The following PCDH11X variants were observed in gnomAD, a reference collection of about 807,000 sequenced individuals.
PCDH11X encodes protocadherin-11 X-linked.
A neutral mutation model predicts 53.3 loss-of-function variants in PCDH11X; 18 were observed. That is an observed-to-expected ratio of 0.34 (90% confidence interval 0.23 to 0.50). PCDH11X has a LOEUF of 0.50. PCDH11X is among the 20% of genes least tolerant of loss of function. The pLI is 0.98. For synonymous variants in PCDH11X, 279 were observed against 393.3 expected (o/e 0.71, Z 3.44); for missense variants, 570 against 1,032.4 (o/e 0.55, Z 6.14).
At chrX:92,213,703 C>T (rs755643308) in intron 7 of PCDH11X, among the ~76,000 whole-genome samples, 5 of 111,465 alleles carry the variant, frequency 4.5e-5, no homozygotes, top group South Asian at 7.5e-4. Context: ...ATACACAGCA[C>T]GACAGATGGG....
At chrX:91,931,963 C>G (rs1336351138) in intron 6 of PCDH11X, among the ~76,000 whole-genome samples, 9 of 111,110 alleles carry the variant, frequency 8.1e-5, no homozygotes, top group Non-Finnish European at 1.7e-4. Flanking sequence ...AGCTATTCAT[C>G]CTGATGCTCT....
At chrX:92,260,332 C>T (rs937143014) in intron 7 of PCDH11X, among the ~76,000 whole-genome samples, 9 of 110,546 alleles carry the variant, frequency 8.1e-5, no homozygotes, top group East Asian at 2.9e-4. Flanking sequence ...TGTGGGAGGG[C>T]GTCGGCTGAG....
At chrX:92,343,772 C>T (rs1181533093) in intron 8 of PCDH11X, among the ~76,000 whole-genome samples, 2 of 111,113 alleles carry the variant, frequency 1.8e-5, no homozygotes, top group African/African-American at 6.5e-5. Flanking sequence ...ATACCCACCT[C>T]AATAGCATTC....
chrX:92,395,935 A>G (rs1196916880), intron 9 of PCDH11X, among the ~76,000 whole-genome samples: 3 of 100,056 alleles, frequency 3.0e-5, no homozygotes, highest in Non-Finnish European at 5.8e-5. Flanking sequence ...TTTATATGTG[A>G]TGAGGCCCTT....
At chrX:92,255,869 G>A (rs1388018400) in intron 7 of PCDH11X, among the ~76,000 whole-genome samples, 1 of 112,445 alleles carries the variant, frequency 8.9e-6, no homozygotes, top group East Asian at 2.8e-4. Flanking sequence ...AGTCTGCAGA[G>A]GTTACTGCTG....
intron 6 of PCDH11X, among the ~76,000 whole-genome samples, chrX:92,059,548 A>G (rs1007716051): frequency 5.4e-5 from 6 of 110,923 alleles, no homozygotes; most frequent in Admixed American, 2.9e-4. Flanking sequence ...TGAAGCCCCA[A>G]TGGTGAGAAC....
intron 6 of PCDH11X, among the ~76,000 whole-genome samples, chrX:92,148,234 CT>C (rs1190274190): frequency 1.0e-3 from 67 of 67,292 alleles, no homozygotes; most frequent in African/African-American, 3.4e-3. Context: ...CTTTCCCTTC[CT>C]TTTTTTTTTT....
intron 8 of PCDH11X, among the ~76,000 whole-genome samples, chrX:92,375,408 G>A (rs2070728987): frequency 1.0e-5 from 1 of 99,567 alleles, no homozygotes; most frequent in South Asian, 4.9e-4. Context: ...TTGATCTCCT[G>A]ACCTCATGAT....
chrX:92,487,094 C>T (rs1436938023), intron 10 of PCDH11X, among the ~76,000 whole-genome samples: 1 of 77,387 alleles, frequency 1.3e-5, no homozygotes, highest in Non-Finnish European at 2.2e-5. Flanking sequence ...ACTCTGTCGT[C>T]CAGGCTACAA....
chrX:92,543,546 G>T (rs1352156622), intron 10 of PCDH11X, among the ~76,000 whole-genome samples: 1 of 107,456 alleles, frequency 9.3e-6, no homozygotes. Context: ...TAGACTAGAA[G>T]CTATGATATG....
chrX:92,029,614 A>G (rs1385560015), intron 6 of PCDH11X, among the ~76,000 whole-genome samples: 1 of 110,909 alleles, frequency 9.0e-6, no homozygotes. Flanking sequence ...ATATAATCCT[A>G]GTACAGGTGA....
intron 5 of PCDH11X, among the ~76,000 whole-genome samples, chrX:91,838,969 A>G (rs1465104649): frequency 8.8e-6 from 1 of 113,271 alleles, no homozygotes. Context: ...CATTGGTGGA[A>G]AATATTTATT....
At chrX:92,352,513 A>C (rs1171633975) in intron 8 of PCDH11X, among the ~76,000 whole-genome samples, 1 of 111,012 alleles carries the variant, frequency 9.0e-6, no homozygotes, top group African/African-American at 3.3e-5. Context: ...CTTAGTTTGG[A>C]TCTATTGCTG....
intron 10 of PCDH11X, among the ~76,000 whole-genome samples, chrX:92,474,362 G>T (rs998792776): frequency 1.8e-5 from 2 of 109,984 alleles, no homozygotes; most frequent in Admixed American, 9.7e-5. Context: ...TATGTTTCTT[G>T]TAGGCAATAG....
rs184154828 is a variant in PCDH11X at position 92,479,963 on chromosome X, C to T, written c.3367+11641C>T. On this transcript the variant is annotated intron_variant, in intron 10 of 10. Coordinates refer to ENST00000682573, the MANE Select transcript of PCDH11X (RefSeq NM_032968.5). ...TGTTTTCAAAGTTGCTTCCATTCTCCTCGTCTTTTTCAGGGACAACAATGC... is the reference window on the plus strand; with the variant it reads ...TGTTTTCAAAGTTGCTTCCATTCTCTTCGTCTTTTTCAGGGACAACAATGC... Among the ~76,000 whole-genome samples the T allele has an allele frequency of 1.6e-3, 182 of 111,217 alleles. 1 individual carries two copies. The highest frequency in any genetic ancestry group is 4.6e-3 in the Middle Eastern group (1 of 217).
intron 8 of PCDH11X, among the ~76,000 whole-genome samples, chrX:92,338,084 G>A (rs942151412): frequency 4.5e-5 from 5 of 111,441 alleles, no homozygotes; most frequent in East Asian, 2.8e-4. Context: ...GTTTTAAAAC[G>A]AAAACCCAAT....
At chrX:91,966,129 A>ATCT (rs1240465496) in intron 6 of PCDH11X, among the ~76,000 whole-genome samples, 4 of 108,724 alleles carry the variant, frequency 3.7e-5, no homozygotes, top group African/African-American at 1.4e-4. Flanking sequence ...GGATGCCCTG[A>ATCT]TCTGGTGAGT....
intron 6 of PCDH11X, among the ~76,000 whole-genome samples, chrX:92,020,934 G>GA (rs1268108616): frequency 2.8e-4 from 31 of 110,372 alleles, no homozygotes; most frequent in African/African-American, 9.9e-4. Context: ...TGAACCCCCA[G>GA]AAAACCCCAA....
At chrX:92,388,109 T>A (rs1204368247) in intron 9 of PCDH11X, among the ~76,000 whole-genome samples, 176 bp downstream of exon 9, 3 of 110,792 alleles carry the variant, frequency 2.7e-5, no homozygotes, top group Non-Finnish European at 5.7e-5. Flanking sequence ...GTTTATAATA[T>A]TTTAAATGTG....
Sources: allele counts gnomAD v4.1 joint callset (sites outside exome capture counted in the v4.1 genomes callset), GRCh38; gene constraint gnomAD v4.1.1; transcripts MANE v1.5; gene names NCBI Gene and HGNC (gene_info 2026-07-23, HGNC 2026-07-21).